The following HERC1 variants were observed in gnomAD, a reference collection of about 807,000 sequenced individuals.
HERC1 encodes HECT and RLD domain containing E3 ubiquitin protein ligase family member 1.
Under a neutral mutation model 554.3 loss-of-function variants are expected in HERC1, and 160 were observed. That is an observed-to-expected ratio of 0.29 (90% CI 0.25 to 0.33). The LOEUF is 0.33. Ranked by LOEUF, HERC1 falls within the 10% of genes least tolerant of loss-of-function variation. The pLI, the probability that HERC1 is intolerant of heterozygous loss-of-function variation, is 1.00. For synonymous variants in HERC1, 2,175 were observed against 2,131.7 expected (o/e 1.02, Z -0.56); for missense variants, 4,919 against 5,918.5 (o/e 0.83, Z 5.54).
chr15:63,663,127 C>A lies in HERC1; in HGVS notation c.8758G>T (p.Ala2920Ser). 1 of 1,613,980 alleles carries A rather than the reference C, an allele frequency of 6.2e-7. No individual in the cohort carries two copies. The highest frequency in any genetic ancestry group is 8.5e-7 in the Non-Finnish European group (1 of 1,179,870). ...EGISLQQDPG[A>S]LYDFNLDEEL... is the part of the protein sequence containing the mutation. The stretch of plus-strand genomic sequence containing the variant: ...TCATCTAAATTAAAGTCATACAACG[C>A]CCCTGGGTCTTGCTGCAAAGATATT... Residue 2920 changes from alanine to serine, a missense_variant, in exon 44 of 78, where the codon GCG becomes TCG. Physicochemically the swap from Ala to Ser is moderately conservative, Grantham distance 99. Around this residue, in one of 11 missense-constraint regions of HERC1, gnomAD observed 1,963 missense variants for 2,228.6 expected, o/e 0.88. Transcript: ENST00000443617.
Position 63,648,351 on chromosome 15 carries a change from G to C in HERC1, c.10748-152C>G, listed in dbSNP as rs116174450. Among the ~76,000 whole-genome samples, 716 of 152,330 alleles carry C rather than the reference G, an allele frequency of 4.7e-3. 10 individuals carry two copies. The highest frequency in any genetic ancestry group is 0.017 in the African/African-American group (688 of 41,566). On this transcript the variant is annotated intron_variant, in intron 54 of 77. Coordinates refer to ENST00000443617, the MANE Select transcript of HERC1 (RefSeq NM_003922.4). ...TAATGCATTTAGACAAAATGTAGGC[G>C]TACAGTGGGGATTCCATGTAACATA... is the stretch of plus-strand genomic sequence containing the variant.
chr15:63,823,544 C>T (rs1202603181), intron 1 of HERC1, among the ~76,000 whole-genome samples: 2 of 152,228 alleles, frequency 1.3e-5, no homozygotes, highest in Middle Eastern at 3.4e-3. Flanking sequence ...TGACAATGCC[C>T]GTGACCTTTC....
intron 49 of HERC1, 48 bp from the exon 50 acceptor site, chr15:63,656,003 G>T (rs1355730783): frequency 6.3e-7 from 1 of 1,591,196 alleles, no homozygotes; most frequent in South Asian, 1.1e-5. Flanking sequence ...ATGTAATTTT[G>T]GAACAAAAAT....
chr15:63,756,548 C>T lies in HERC1; in HGVS notation c.1422G>A (p.Thr474=), dbSNP rs1264723679. 13 of 1,613,746 alleles carry T rather than the reference C, an allele frequency of 8.1e-6. No homozygotes were observed. The highest frequency in any genetic ancestry group is 1.1e-5 in the South Asian group (1 of 91,072). ...CCCAACTGAAGACTTCTCCTTCTGT[C>T]GTAAAGGCTAAAGTGTGACCATCAG... is the stretch of plus-strand genomic sequence containing the variant. ...KGSDGHTLAF[T]TEGEVFSWGD... is the part of the protein sequence containing the mutation. The change falls in exon 5 of 78, where the codon ACG becomes ACA. Residue 474 remains threonine (T), a synonymous_variant. Coordinates refer to ENST00000443617, the MANE Select transcript of HERC1 (RefSeq NM_003922.4). This position sits in a 1 kb window ranked among gnomAD's most constrained non-coding sequence, Gnocchi z 5.0.
At chr15:63,650,074 A>C (rs945665304) in intron 53 of HERC1, 149 bp from the exon 54 acceptor site, 2 of 625,818 alleles carry the variant, frequency 3.2e-6, no homozygotes, top group African/African-American at 3.7e-5. Flanking sequence ...TGAAGGCAGG[A>C]TCCTTCATTT....
At position 63,692,548 on chromosome 15, in the gene HERC1, T is replaced by G; in HGVS notation, c.5693A>C (p.His1898Pro). 6.2e-7 allele frequency: 1 copy of G among 1,608,374 alleles called. No homozygotes were observed. The change falls in exon 31 of 78, where the codon CAT becomes CCT. Residue 1898 changes from histidine to proline, a missense_variant. This residue lies in a region of HERC1 where 1,121 missense variants were observed against 1,244.0 expected (regional missense o/e 0.90). Transcript: ENST00000443617. The surrounding 1 kb of genome is among the most constrained non-coding windows in gnomAD (Gnocchi z 4.7). Reference sequence around the variant, plus strand: ...ATCCCCTAGATGGAGTTCGGCTGCATGTTGTTTCCTAAGAGCAGCTACAGT... The same window carrying G: ...ATCCCCTAGATGGAGTTCGGCTGCAGGTTGTTTCCTAAGAGCAGCTACAGT... Reference protein sequence around the residue: ...KDFRAALRKQHAAELHLGDFL... With the variant: ...KDFRAALRKQPAAELHLGDFL...
chr15:63,743,742 T>C (rs1022200585), intron 12 of HERC1, among the ~76,000 whole-genome samples: 92 of 152,256 alleles, frequency 6.0e-4, no homozygotes, highest in African/African-American at 2.0e-3. Flanking sequence ...TGAATTTCTT[T>C]GACTTTCCTC....
intron 12 of HERC1, among the ~76,000 whole-genome samples, chr15:63,737,835 GATTTTCT>G (rs1436483366): frequency 6.6e-6 from 1 of 152,038 alleles, no homozygotes; most frequent in Non-Finnish European, 1.5e-5. Context: ...GAAGCACACT[GATTTTCT>G]AAGTAACACC....
intron 1 of HERC1, among the ~76,000 whole-genome samples, chr15:63,807,404 G>T (rs1416040920): frequency 6.6e-6 from 1 of 152,124 alleles, no homozygotes; most frequent in African/African-American, 2.4e-5. Flanking sequence ...TTCCTCTAGG[G>T]CTACAGGTCC....
chr15:63,707,570 TATC>T (rs752526583), intron 24 of HERC1, among the ~76,000 whole-genome samples: 3 of 152,128 alleles, frequency 2.0e-5, no homozygotes, highest in Non-Finnish European at 2.9e-5. Context: ...GACATTATGG[TATC>T]AGCAATTTCA....
intron 30 of HERC1, among the ~76,000 whole-genome samples, chr15:63,693,190 A>G (rs530828077): frequency 1.9e-4 from 29 of 151,694 alleles, no homozygotes; most frequent in African/African-American, 6.8e-4. Context: ...CAACAACAAA[A>G]AAAACCCAGA....
At chr15:63,765,938 G>A (rs1460763423) in intron 2 of HERC1, among the ~76,000 whole-genome samples, 1 of 151,980 alleles carries the variant, frequency 6.6e-6, no homozygotes, top group Non-Finnish European at 1.5e-5. Flanking sequence ...GATAGAGAAA[G>A]ATCAATTTCT....
rs1435682284 is a variant in HERC1 at position 63,638,792 on chromosome 15, T to C, written c.11902-16A>G. 2 of 1,605,120 alleles carry C rather than the reference T, an allele frequency of 1.2e-6. No homozygotes were observed. Among genetic ancestry groups the C allele is most frequent in the Non-Finnish European group, 8.5e-7 (1 of 1,171,896 alleles). ...TACTGTTATCCTGAAAAACAGGGGGTACATAATGATCAATTCTGCTTAGGC... is the reference window on the plus strand; with the variant it reads ...TACTGTTATCCTGAAAAACAGGGGGCACATAATGATCAATTCTGCTTAGGC... On this transcript the variant is annotated splice_polypyrimidine_tract_variant and intron_variant, in intron 61 of 77. Coordinates refer to ENST00000443617, the MANE Select transcript of HERC1 (RefSeq NM_003922.4).
intron 54 of HERC1, among the ~76,000 whole-genome samples, chr15:63,649,378 A>C (rs1291118426): frequency 1.3e-5 from 2 of 151,736 alleles, no homozygotes; most frequent in African/African-American, 4.8e-5. Context: ...AAACACACAC[A>C]AAAAAAACAA....
At chr15:63,717,541 T>C (rs2073611799) in intron 21 of HERC1, among the ~76,000 whole-genome samples, 1 of 152,220 alleles carries the variant, frequency 6.6e-6, no homozygotes, top group African/African-American at 2.4e-5. Flanking sequence ...CTGCAAGAAT[T>C]ACTTCTGGAC....
Position 63,756,888 on chromosome 15 carries a change from CA to C in HERC1, c.1222-141del. ...TTCTCCAGAGAGATTAAGGAATATA[CA>C]GAAATCTAAGAGAACACGAATGGCC... is the stretch of plus-strand genomic sequence containing the variant. On this transcript the variant is annotated intron_variant, in intron 4 of 77. Transcript: ENST00000443617. The surrounding 1 kb of genome is among the most constrained non-coding windows in gnomAD (Gnocchi z 5.0). 1.7e-6 allele frequency: 1 copy of C among 591,300 alleles called. No homozygotes were observed. Among genetic ancestry groups the C allele is most frequent in the South Asian group, 2.5e-5 (1 of 39,700 alleles). The allele number at this position is 591,300 out of a possible 1,614,324, so 36.6% of individuals were successfully genotyped here.
At chr15:63,648,005 TC>T in intron 55 of HERC1, 63 bp downstream of exon 55, 1 of 1,290,670 alleles carries the variant, frequency 7.7e-7, no homozygotes, top group Non-Finnish European at 1.1e-6. Flanking sequence ...CACTGTGTAA[TC>T]TATGCATGTA....
chr15:63,731,660 G>A (rs1328571448), intron 14 of HERC1, among the ~76,000 whole-genome samples: 1 of 152,140 alleles, frequency 6.6e-6, no homozygotes, highest in African/African-American at 2.4e-5. Flanking sequence ...CAATGTGGGC[G>A]GGATAGAGCA....
Position 63,666,092 on chromosome 15 carries a change from C to T in HERC1, c.8382G>A (p.Glu2794=), listed in dbSNP as rs750187367. The T allele has an allele frequency of 1.1e-5, 17 of 1,613,918 alleles. No homozygotes were observed. In the South Asian group the frequency reaches 1.6e-4, roughly 16 times the overall value. ...NITVLAMWMI[E]HPGHEDEEEP... Reference sequence around the variant, plus strand: ...CCTCTTCATCCTCATGCCCAGGGTGCTCTATCATCCACATGGCAAGGACAG... The same window carrying T: ...CCTCTTCATCCTCATGCCCAGGGTGTTCTATCATCCACATGGCAAGGACAG... Residue 2794 remains glutamate, a synonymous_variant, in exon 42 of 78, where the codon GAG becomes GAA. Transcript: ENST00000443617.
Sources: gnomAD v4.1 joint callset for allele counts (sites outside exome capture counted in the v4.1 genomes callset) on GRCh38, gnomAD v4.1.1 for gene constraint, gnomAD v4.1.1 regional missense constraint, Gnocchi (gnomAD v3.1) non-coding constraint, MANE v1.5 for transcripts, NCBI Gene and HGNC (gene_info 2026-07-23, HGNC 2026-07-21) for gene names.